JRK: variants seen among roughly 807,000 people sequenced by gnomAD.
JRK encodes jerky protein homolog.
For missense variants in JRK, 720 were observed against 509.2 expected, an observed-to-expected ratio of 1.41 and a Z score of -3.98; for synonymous variants, 303 against 218.1, an observed-to-expected ratio of 1.39 and a Z score of -3.43.
At chr8:142,666,567 G>A (rs1462885001) in intron 1 of JRK, 47 bp from the exon 2 acceptor site, 1 of 232,750 alleles carries the variant, frequency 4.3e-6, no homozygotes, top group South Asian at 7.0e-5. Flanking sequence ...GCGCGCCCAG[G>A]ACACACATGG....
rs61747165 is a variant in JRK, at chr8:142,664,688, C to T, written c.1371G>A (p.Ser457=). Residue 457 remains serine (S), a synonymous_variant, in exon 2 of 2, where the codon TCG becomes TCA. Transcript: ENST00000612905. ...AEGGRPPAAT[S]PAEVVWSSEK... ...CTGAACTCCACACAACCTCTGCTGG[C>T]GACGTGGCAGCAGGGGGCCGTCCCC... 2.3e-3 allele frequency: 3,709 copies of T among 1,610,256 alleles called. 80 individuals carry two copies. The African/African-American group carries it at 0.044, about 19-fold the overall frequency.
chr8:142,669,761 G>A (rs1288265208), intron 1 of JRK, among the ~76,000 whole-genome samples, 171 bp downstream of exon 1: 1 of 148,792 alleles, frequency 6.7e-6, no homozygotes, highest in Non-Finnish European at 1.5e-5. Flanking sequence ...TGCCGCCCGC[G>A]GCTGGGTCCG....
chr8:142,646,222 A>T, the JRK span, among the ~76,000 whole-genome samples: 8 of 152,240 alleles, frequency 5.3e-5, no homozygotes, highest in Admixed American at 5.2e-4. Flanking sequence ...TTACTAACAC[A>T]GTGAAAAAGA....
Position 142,661,837 on chromosome 8 carries a change from C to T in JRK, c.*2515G>A, listed in dbSNP as rs587705879. On this transcript the variant is annotated 3_prime_UTR_variant, in exon 2 of 2. Coordinates refer to ENST00000612905, the MANE Select transcript of JRK (RefSeq NM_003724.4). ...CATTCAACCACTTGAGCTTCTGAGA[C>T]GGGTCAGGAAGTGAAAACAAAGTGC... 2 of 985,530 alleles carry T rather than the reference C, an allele frequency of 2.0e-6. No individual in the cohort carries two copies. Among genetic ancestry groups the T allele is most frequent in the African/African-American group, 1.7e-5 (1 of 57,330 alleles). The allele number at this position is 985,530 out of a possible 1,614,324, so 61.0% of individuals were successfully genotyped here. A position where few individuals can be genotyped will look rare whatever the true frequency, so the allele number is the denominator to read the frequency against.
intron 1 of JRK, among the ~76,000 whole-genome samples, chr8:142,667,665 T>C (rs1167672453): frequency 1.3e-5 from 2 of 152,208 alleles, no homozygotes; most frequent in Non-Finnish European, 2.9e-5. Context: ...CTGTGCACCC[T>C]ACGAAAAGCT....
the JRK span, among the ~76,000 whole-genome samples, chr8:142,647,732 A>T: frequency 6.6e-6 from 1 of 152,230 alleles, no homozygotes; most frequent in Non-Finnish European, 1.5e-5. Context: ...CTAATACAGT[A>T]AATTGGTACC....
At position 142,665,503 on chromosome 8, in the gene JRK, C is replaced by T. The variant is rs782558295; in HGVS notation, c.556G>A (p.Ala186Thr). 8 of 718,114 alleles carry T rather than the reference C, an allele frequency of 1.1e-5. No homozygotes were observed. Among genetic ancestry groups the T allele is most frequent in the South Asian group, 5.9e-5 (4 of 67,604 alleles). The allele number at this position is 718,114 out of a possible 1,614,324, so 44.5% of individuals were successfully genotyped here. A position where few individuals can be genotyped will look rare whatever the true frequency, so the allele number is the denominator to read the frequency against. ...HGLSAEQVYN[A>T]DETGLFWRCL... is the part of the protein sequence containing the mutation. ...CGCCAGAAAAGGCCGGTCTCATCAGCGTTGTAAACCTGCTCGGCGGACAGC... is the reference window on the plus strand; with the variant it reads ...CGCCAGAAAAGGCCGGTCTCATCAGTGTTGTAAACCTGCTCGGCGGACAGC... The change falls in exon 2 of 2, where the codon GCT (alanine) becomes ACT (threonine). Residue 186 changes from alanine to threonine, a missense_variant. Physicochemically the swap from Ala to Thr is moderately conservative, Grantham distance 58 (BLOSUM62 0). Coordinates refer to ENST00000612905, the MANE Select transcript of JRK (RefSeq NM_003724.4).
Position 142,658,949 on chromosome 8 carries a change from A to G in JRK, c.*5403T>C, listed in dbSNP as rs1336342149. On this transcript the variant is annotated 3_prime_UTR_variant, in exon 2 of 2. Coordinates refer to ENST00000612905, the MANE Select transcript of JRK (RefSeq NM_003724.4). ...ATCCTCAAGGCCCACAGTCTCCTGA[A>G]ACAACAGAACTTTGCTGCTTCATGG... 2 of 1,612,388 alleles carry G rather than the reference A, an allele frequency of 1.2e-6. No individual in the cohort carries two copies. The highest frequency in any genetic ancestry group is 2.7e-5 in the African/African-American group (2 of 74,920).
chr8:142,666,454 T>A lies in JRK; in HGVS notation c.-396A>T, dbSNP rs1482745592. ...ACCAGGTTTGGGGTGGTAGAGGTTT[T>A]ACCGCATAAGCAGCAGGTGCCTCTC... On this transcript the variant is annotated 5_prime_UTR_variant, in exon 2 of 2. An upstream open reading frame in the 5' UTR loses its in-frame stop. Coordinates refer to ENST00000612905, the MANE Select transcript of JRK (RefSeq NM_003724.4). 5.8e-6 allele frequency: 2 copies of A among 344,960 alleles called. No homozygotes were observed. The highest frequency in any genetic ancestry group is 1.2e-5 in the Non-Finnish European group (2 of 170,966). The allele number at this position is 344,960 out of a possible 1,614,324, so 21.4% of individuals were successfully genotyped here. A position where few individuals can be genotyped will look rare whatever the true frequency, so the allele number is the denominator to read the frequency against.
At position 142,666,038 on chromosome 8, in the gene JRK, G is replaced by C; in HGVS notation, c.21C>G (p.Ala7=). The change falls in exon 2 of 2, where the codon GCC becomes GCG. Residue 7 remains alanine (A), a synonymous_variant. Transcript: ENST00000612905. MASKPA[A]GKSRGEKRKR... ...TCCGCTTCTCCCCTCTGCTCTTCCC[G>C]GCAGCCGGCTTGGAGGCCATGGGGA... The C allele has an allele frequency of 6.3e-7, 1 of 1,592,998 alleles. No homozygotes were observed. The highest frequency in any genetic ancestry group is 2.2e-5 in the East Asian group (1 of 44,748).
chr8:142,662,149 C>T lies in JRK; in HGVS notation c.*2203G>A. On this transcript the variant is annotated 3_prime_UTR_variant, in exon 2 of 2. Coordinates refer to ENST00000612905, the MANE Select transcript of JRK (RefSeq NM_003724.4). ...GGCACCCTGAGGACACAGCCACTCA[C>T]TGGGGACAAGCGCCTACCCATCAGC... is the stretch of plus-strand genomic sequence containing the variant. The T allele has an allele frequency of 3.0e-6, 3 of 986,014 alleles. No homozygotes were observed. Among genetic ancestry groups the T allele is most frequent in the Admixed American group, 6.1e-5 (1 of 16,296 alleles). 61.1% of individuals were successfully genotyped at this position (986,014 alleles called of 1,614,324 possible). A position where few individuals can be genotyped will look rare whatever the true frequency, so the allele number is the denominator to read the frequency against.
downstream of JRK, among the ~76,000 whole-genome samples, chr8:142,655,967 G>T (rs1846743063): frequency 6.6e-6 from 1 of 152,076 alleles, no homozygotes. Context: ...GGCAATATTG[G>T]CTCACCCCTT....
chr8:142,662,902 G>A lies in JRK; in HGVS notation c.*1450C>T, dbSNP rs1846961220. The A allele has an allele frequency of 1.0e-5, 10 of 962,844 alleles. No homozygotes were observed. Among genetic ancestry groups the A allele is most frequent in the Non-Finnish European group, 1.2e-5 (10 of 809,390 alleles). The allele number at this position is 962,844 out of a possible 1,614,324, so 59.6% of individuals were successfully genotyped here. A position where few individuals can be genotyped will look rare whatever the true frequency, so the allele number is the denominator to read the frequency against. On this transcript the variant is annotated 3_prime_UTR_variant, in exon 2 of 2. Transcript: ENST00000612905. The stretch of plus-strand genomic sequence containing the variant: ...AGGCCGAGTGCTGTGGCTCACACCT[G>A]TAATCCCAGCACTTTAGAAGGATGA...
Position 142,661,064 on chromosome 8 carries a change from C to T in JRK, c.*3288G>A, listed in dbSNP as rs114695034. On this transcript the variant is annotated 3_prime_UTR_variant, in exon 2 of 2. Transcript: ENST00000612905. ...GAACAGTGGCCTGCGACGTCAGGGG[C>T]AGTCCAGGTGCTCTCCATCGCATGC... The T allele has an allele frequency of 1.4e-3, 1,346 of 985,402 alleles. 17 individuals carry two copies. The African/African-American group carries it at 0.022, about 16-fold the overall frequency. The allele number at this position is 985,402 out of a possible 1,614,324, so 61.0% of individuals were successfully genotyped here. A position where few individuals can be genotyped will look rare whatever the true frequency, so the allele number is the denominator to read the frequency against.
downstream of JRK, among the ~76,000 whole-genome samples, chr8:142,652,987 C>T (rs782122494): frequency 2.0e-5 from 3 of 152,288 alleles, no homozygotes; most frequent in African/African-American, 4.8e-5. Flanking sequence ...GGATATGCAG[C>T]GGCTCCCCAC....
chr8:142,653,462 C>T (rs1294897394), downstream of JRK, among the ~76,000 whole-genome samples: 2 of 152,174 alleles, frequency 1.3e-5, no homozygotes, highest in Non-Finnish European at 2.9e-5. Context: ...TGGCCTTGAC[C>T]TCCTGGGCTC....
chr8:142,646,094 T>C, the JRK span, among the ~76,000 whole-genome samples: 1 of 152,202 alleles, frequency 6.6e-6, no homozygotes, highest in Admixed American at 6.5e-5. Context: ...TTAGATGAGT[T>C]TGCCTACAAG....
rs2129698864 is a variant in JRK, at chr8:142,659,862, C to T, written c.*4490G>A. The T allele has an allele frequency of 1.0e-6, 1 of 985,656 alleles. No homozygotes were observed. The highest frequency in any genetic ancestry group is 4.7e-5 in the South Asian group (1 of 21,292). The allele number at this position is 985,656 out of a possible 1,614,324, so 61.1% of individuals were successfully genotyped here. ...TTCACACCTGCCCCTCCCTGGGCCCCAGTCTCATCCCTAAACAGGAGTGAC... is the reference window on the plus strand; with the variant it reads ...TTCACACCTGCCCCTCCCTGGGCCCTAGTCTCATCCCTAAACAGGAGTGAC... On this transcript the variant is annotated 3_prime_UTR_variant, in exon 2 of 2. Transcript: ENST00000612905.
At chr8:142,656,688 C>T (rs1346280077), downstream of JRK, among the ~76,000 whole-genome samples, 2 of 152,238 alleles carry the variant, frequency 1.3e-5, no homozygotes, top group African/African-American at 4.8e-5. Flanking sequence ...CAAATGAAGT[C>T]AGTTCCTGTG....
Sources: gnomAD v4.1 joint callset for allele counts (sites outside exome capture counted in the v4.1 genomes callset) on GRCh38, gnomAD v4.1.1 for gene constraint, MANE v1.5 for transcripts, NCBI Gene and HGNC (gene_info 2026-07-23, HGNC 2026-07-21) for gene names.